The following ARHGAP42 variants were observed in gnomAD, a reference collection of about 807,000 sequenced individuals.
ARHGAP42 encodes Rho GTPase activating protein 42, also known as rho GTPase-activating protein 42.
A neutral mutation model predicts 125.0 loss-of-function variants in ARHGAP42; 63 were observed. The observed-to-expected ratio is 0.50, with a 90% CI of 0.41 to 0.62. The LOEUF (loss-of-function observed/expected upper bound fraction) is 0.62, where lower values mean the gene tolerates loss of function less well. ARHGAP42 is among the 20% of genes least tolerant of loss of function. ARHGAP42 has a pLI of 0.00. For synonymous variants in ARHGAP42, 339 were observed against 351.0 expected, an observed-to-expected ratio of 0.97 and a Z score of 0.38; for missense variants, 766 against 1,024.2, an observed-to-expected ratio of 0.75 and a Z score of 3.44.
intron 17 of ARHGAP42, among the ~76,000 whole-genome samples, chr11:100,970,791 A>C (rs1292877376): frequency 6.6e-6 from 1 of 152,094 alleles, no homozygotes; most frequent in Non-Finnish European, 1.5e-5. Context: ...TTTGGCACCA[A>C]TATTCTTGGC....
At chr11:100,829,998 G>T (rs773718785) in intron 3 of ARHGAP42, among the ~76,000 whole-genome samples, 1 of 152,196 alleles carries the variant, frequency 6.6e-6, no homozygotes, top group African/African-American at 2.4e-5. Flanking sequence ...AGGTGTGTTT[G>T]TATCTTTCAA....
chr11:100,740,273 TTA>T (rs1165525215), intron 1 of ARHGAP42, among the ~76,000 whole-genome samples: 1 of 136,368 alleles, frequency 7.3e-6, no homozygotes, highest in African/African-American at 2.9e-5. Context: ...CTCCCAAATT[TTA>T]TATGATACCC....
At chr11:100,887,852 A>G (rs1426820279) in intron 4 of ARHGAP42, among the ~76,000 whole-genome samples, 2 of 152,206 alleles carry the variant, frequency 1.3e-5, no homozygotes, top group African/African-American at 4.8e-5. Flanking sequence ...AGGCCCAGCC[A>G]TTTAAGCTCA....
At chr11:100,903,709 A>AAAAAAAAAAAAAATATATATAT (rs1332890022) in intron 4 of ARHGAP42, among the ~76,000 whole-genome samples, 1 of 63,516 alleles carries the variant, frequency 1.6e-5, no homozygotes. Flanking sequence ...TGTCCCTCAA[A>AAAAAAAAAAAAAATATATATAT]ATATATATAT....
chr11:100,782,742 G>A (rs1234928462), intron 2 of ARHGAP42, among the ~76,000 whole-genome samples: 1 of 152,166 alleles, frequency 6.6e-6, no homozygotes, highest in African/African-American at 2.4e-5. Context: ...TCGTGATTCA[G>A]GGGGCAGTGG....
intron 1 of ARHGAP42, among the ~76,000 whole-genome samples, chr11:100,720,086 G>C (rs1203588333): frequency 2.0e-5 from 3 of 152,180 alleles, no homozygotes; most frequent in Non-Finnish European, 4.4e-5. Flanking sequence ...TTATAGGCTA[G>C]ATAATTAGGT....
chr11:100,934,955 C>T (rs1393702886), intron 7 of ARHGAP42, among the ~76,000 whole-genome samples: 1 of 151,702 alleles, frequency 6.6e-6, no homozygotes, highest in Non-Finnish European at 1.5e-5. Flanking sequence ...CTATTAAAAG[C>T]GAAAATTATA....
intron 1 of ARHGAP42, among the ~76,000 whole-genome samples, chr11:100,718,707 TCA>T (rs1362851234): frequency 6.6e-6 from 1 of 152,200 alleles, no homozygotes; most frequent in Admixed American, 6.5e-5. Flanking sequence ...TTACTAATTC[TCA>T]CAGAGTAAAT....
At chr11:100,782,172 C>G (rs968692006) in intron 2 of ARHGAP42, among the ~76,000 whole-genome samples, 1 of 152,126 alleles carries the variant, frequency 6.6e-6, no homozygotes, top group African/African-American at 2.4e-5. Context: ...GCTATGTAGT[C>G]TGGAGTTTAA....
chr11:100,783,535 C>T (rs1383115363), intron 2 of ARHGAP42, among the ~76,000 whole-genome samples: 1 of 152,142 alleles, frequency 6.6e-6, no homozygotes, highest in Non-Finnish European at 1.5e-5. Context: ...CTGCAGTGTG[C>T]CTTTTGAATG....
At position 100,936,321 on chromosome 11, in the gene ARHGAP42, T is replaced by C. The variant is rs1354242644; in HGVS notation, c.821T>C (p.Val274Ala). The C allele has an allele frequency of 3.2e-6, 5 of 1,551,500 alleles. No homozygotes were observed. In the South Asian group the frequency reaches 5.9e-5, roughly 18 times the overall value. ...SQWTMEGYLY[V>A]QEKRPLGFTW... The stretch of plus-strand genomic sequence containing the variant: ...TGGACGATGGAAGGCTATCTGTATG[T>C]CCAGGAGAAACGTGAGTCACAAAGA... The change falls in exon 8 of 24, where the codon GTC (valine) becomes GCC (alanine). Residue 274 changes from valine (V) to alanine (A), a missense_variant. Val to Ala is a moderately conservative substitution (Grantham distance 64). Transcript: ENST00000298815.
rs180968610 is a variant in ARHGAP42, at chr11:100,770,456, A to G, written c.250+18A>G. 1.4e-6 allele frequency: 2 copies of G among 1,478,398 alleles called. No homozygotes were observed. The highest frequency in any genetic ancestry group is 2.8e-5 in the African/African-American group (2 of 71,288). 91.6% of individuals were successfully genotyped at this position (1,478,398 alleles called of 1,614,324 possible). ...TAGTATTGGTAAGTACTACTGTTTT[A>G]GAAAGTTCTATTACTAATATTTATT... On this transcript the variant is annotated intron_variant, in intron 2 of 23. Transcript: ENST00000298815.
chr11:100,913,405 T>C (rs1476290121), intron 4 of ARHGAP42, 47 bp from the exon 5 acceptor site: 2 of 904,526 alleles, frequency 2.2e-6, no homozygotes, highest in Non-Finnish European at 3.0e-6. Context: ...CGGGGTTTTC[T>C]GGGTGCTCTG....
chr11:100,799,646 G>A (rs1338434642), intron 3 of ARHGAP42, among the ~76,000 whole-genome samples: 3 of 152,146 alleles, frequency 2.0e-5, no homozygotes, highest in Admixed American at 6.5e-5. Flanking sequence ...CTGGGTTGGC[G>A]AGGCTGTGAT....
intron 1 of ARHGAP42, among the ~76,000 whole-genome samples, chr11:100,746,263 G>A (rs1862301565): frequency 6.6e-6 from 1 of 152,224 alleles, no homozygotes; most frequent in African/African-American, 2.4e-5. Flanking sequence ...GAGACATGAA[G>A]TGAGCTTAGT....
intron 1 of ARHGAP42, among the ~76,000 whole-genome samples, chr11:100,723,174 T>C (rs1703565307): frequency 6.6e-6 from 1 of 152,204 alleles, no homozygotes; most frequent in Non-Finnish European, 1.5e-5. Flanking sequence ...TCACACAATC[T>C]TGAGTACTTT....
At chr11:100,986,483 G>A (rs1858681798) in intron 22 of ARHGAP42, 1 of 175,570 alleles carries the variant, frequency 5.7e-6, no homozygotes, top group Non-Finnish European at 1.2e-5. Context: ...ATAGTTTGTG[G>A]GCCAGAGTAG....
chr11:100,751,279 G>GTTTTTTTTTTTTTTTTTTTTTTT (rs71465331), intron 1 of ARHGAP42, among the ~76,000 whole-genome samples: 1 of 93,480 alleles, frequency 1.1e-5, no homozygotes, highest in Non-Finnish European at 2.0e-5. Flanking sequence ...GTGTGTGTGT[G>GTTTTTTTTTTTTTTTTTTTTTTT]TTTTTTTTTT....
intron 1 of ARHGAP42, among the ~76,000 whole-genome samples, chr11:100,702,132 T>A (rs1171582938): frequency 1.3e-5 from 2 of 151,840 alleles, no homozygotes; most frequent in African/African-American, 4.8e-5. Flanking sequence ...AAAAAAATAA[T>A]AATATAATGA....
Sources: gnomAD v4.1 joint callset for allele counts (sites outside exome capture counted in the v4.1 genomes callset) on GRCh38, gnomAD v4.1.1 for gene constraint, MANE v1.5 for transcripts, NCBI Gene and HGNC (gene_info 2026-07-23, HGNC 2026-07-21) for gene names.